Variants in WDFY3 observed in about 807,000 individuals in gnomAD.
WDFY3 encodes the protein WD repeat and FYVE domain containing 3.
Under a neutral mutation model 409.6 loss-of-function variants are expected in WDFY3, and 66 were observed. The observed-to-expected ratio is 0.16, with a 90% CI of 0.13 to 0.20. WDFY3 has a LOEUF of 0.20. Ranked by LOEUF, WDFY3 falls within the 10% of genes least tolerant of loss-of-function variation. WDFY3 has a pLI of 1.00. For missense variants in WDFY3, 3,031 were observed against 4,298.1 expected, an observed-to-expected ratio of 0.71 and a Z score of 8.24; for synonymous variants, 1,521 against 1,537.1, an observed-to-expected ratio of 0.99 and a Z score of 0.25.
intron 4 of WDFY3, among the ~76,000 whole-genome samples, chr4:84,852,071 A>T (rs979444220): frequency 1.4e-4 from 21 of 152,310 alleles, no homozygotes; most frequent in African/African-American, 5.1e-4. Flanking sequence ...TAAAGGAAGG[A>T]CTTCTCTCTG....
chr4:84,798,707 C>T (rs1037817611), intron 17 of WDFY3, among the ~76,000 whole-genome samples: 4 of 152,168 alleles, frequency 2.6e-5, no homozygotes, highest in Non-Finnish European at 5.9e-5. Flanking sequence ...GCTCTTTTCT[C>T]TCATTCTTGC....
intron 30 of WDFY3, 91 bp from the exon 31 acceptor site, chr4:84,766,463 T>C (rs1743656388): frequency 7.8e-7 from 1 of 1,283,774 alleles, no homozygotes; most frequent in Non-Finnish European, 1.1e-6. Flanking sequence ...CTGAAAAATA[T>C]ATCTTTTAGA....
intron 49 of WDFY3, among the ~76,000 whole-genome samples, 183 bp downstream of exon 49, chr4:84,716,713 G>A (rs1425173845): frequency 6.6e-6 from 1 of 151,646 alleles, no homozygotes; most frequent in Non-Finnish European, 1.5e-5. Context: ...GCAGGAGAAT[G>A]GTGTGAACCC....
At chr4:84,747,998 C>T (rs559333235) in intron 36 of WDFY3, among the ~76,000 whole-genome samples, 3 of 152,018 alleles carry the variant, frequency 2.0e-5, no homozygotes, top group Non-Finnish European at 2.9e-5. Flanking sequence ...TGGACTAACA[C>T]GCACTCCAAG....
At chr4:84,932,736 C>A (rs192969319) in intron 1 of WDFY3, among the ~76,000 whole-genome samples, 12 of 152,234 alleles carry the variant, frequency 7.9e-5, no homozygotes, top group Admixed American at 6.5e-4. Flanking sequence ...CACACAGCCT[C>A]TTTTCTTGGA....
intron 5 of WDFY3, 64 bp downstream of exon 5, chr4:84,849,838 G>T: frequency 6.3e-7 from 1 of 1,583,036 alleles, no homozygotes; most frequent in East Asian, 2.3e-5. Flanking sequence ...AATTTTAATG[G>T]GACTTTTACA....
chr4:84,828,087 GAGGGAGGGAGGA>G (rs1755117860), intron 9 of WDFY3, among the ~76,000 whole-genome samples: 1 of 144,868 alleles, frequency 6.9e-6, no homozygotes, highest in South Asian at 2.4e-4. Context: ...GGGAGGGAGG[GAGGGAGGGAGGA>G]AGGGAGGAAG....
rs1371881428 is a variant in WDFY3 at position 84,775,095 on chromosome 4, T to C, written c.4562A>G (p.Glu1521Gly). 1 of 1,613,638 alleles carries C rather than the reference T, an allele frequency of 6.2e-7. No individual in the cohort carries two copies. Among genetic ancestry groups the C allele is most frequent in the Non-Finnish European group, 8.5e-7 (1 of 1,179,868 alleles). Residue 1521 changes from glutamate (E) to glycine (G), a missense_variant, in exon 28 of 68, where the codon GAA becomes GGA. By Grantham distance (98) the Glu-to-Gly change is moderately conservative. Around this residue, in one of 16 missense-constraint regions of WDFY3, gnomAD observed 342 missense variants for 463.7 expected, o/e 0.74. Transcript: ENST00000295888. ...APYELHLSLFEHFIELLTESS... is the reference protein window; with the variant it reads ...APYELHLSLFGHFIELLTESS... ...CTCTGTGAGCAGTTCAATAAAGTGT[T>C]CAAATAAGGAAAGATGAAGTTCATA...
rs532498513 is a variant in WDFY3 at position 84,739,088 on chromosome 4, C to T, written c.6496G>A (p.Ala2166Thr). 2.6e-5 allele frequency: 42 copies of T among 1,614,142 alleles called. No individual in the cohort carries two copies. In the Admixed American group the frequency reaches 6.0e-4, roughly 23 times the overall value. ...NVDGFGLEAE[A>T]RMTTWHIMIP... ...ATAATGTGCCATGTGGTCATGCGGG[C>T]TTCTGCTTCCAGTCCAAATCCATCC... is the stretch of plus-strand genomic sequence containing the variant. The change falls in exon 40 of 68, where the codon GCC becomes ACC. Residue 2166 changes from alanine (A) to threonine (T), a missense_variant. Physicochemically the swap from Ala to Thr is moderately conservative, Grantham distance 58. This residue lies in a region of WDFY3 where 314 missense variants were observed against 397.4 expected (regional missense o/e 0.79). Coordinates refer to ENST00000295888, the MANE Select transcript of WDFY3 (RefSeq NM_014991.6).
intron 1 of WDFY3, among the ~76,000 whole-genome samples, chr4:84,963,583 G>T (rs1775214171): frequency 6.6e-6 from 1 of 152,182 alleles, no homozygotes; most frequent in Non-Finnish European, 1.5e-5. Flanking sequence ...ACAGAGGTTA[G>T]TATCATTAAG....
intron 1 of WDFY3, among the ~76,000 whole-genome samples, chr4:84,965,076 AGACTT>A (rs1171346210): frequency 3.3e-5 from 5 of 152,188 alleles, no homozygotes. Context: ...TTTTTTTACT[AGACTT>A]ATGCACTAAT....
intron 2 of WDFY3, among the ~76,000 whole-genome samples, chr4:84,900,904 A>G (rs933187330): frequency 6.6e-6 from 1 of 152,246 alleles, no homozygotes; most frequent in Non-Finnish European, 1.5e-5. Context: ...GTGATAACAG[A>G]ATACATGAAA....
At chr4:84,740,091 G>T (rs1738140311) in intron 39 of WDFY3, 96 bp downstream of exon 39, 12 of 1,215,390 alleles carry the variant, frequency 9.9e-6, no homozygotes, top group Non-Finnish European at 1.4e-5. Flanking sequence ...ACAGAGTAAG[G>T]GTAAAAGAAA....
chr4:84,902,487 A>T (rs183753365), intron 2 of WDFY3, among the ~76,000 whole-genome samples: 13 of 152,356 alleles, frequency 8.5e-5, no homozygotes, highest in Admixed American at 6.5e-5. Flanking sequence ...GTGCATAATT[A>T]ACAGACCATG....
At chr4:84,814,615 C>T (rs918968115) in intron 13 of WDFY3, among the ~76,000 whole-genome samples, 4 of 152,096 alleles carry the variant, frequency 2.6e-5, no homozygotes, top group Admixed American at 1.3e-4. Context: ...AGTCACTGAG[C>T]AGAGTCTCGG....
At chr4:84,802,227 G>A (rs187176559) in intron 16 of WDFY3, among the ~76,000 whole-genome samples, 32 of 151,382 alleles carry the variant, frequency 2.1e-4, no homozygotes, top group African/African-American at 7.8e-4. Context: ...GATTACAGGC[G>A]TGAGCCACCG....
intron 48 of WDFY3, among the ~76,000 whole-genome samples, chr4:84,718,089 T>C (rs866427079): frequency 8.7e-5 from 13 of 149,888 alleles, no homozygotes; most frequent in African/African-American, 2.7e-4. Context: ...AAAAAGAGTA[T>C]TTTCTCTACA....
At chr4:84,687,769 A>G (rs564231277) in intron 62 of WDFY3, 8 of 190,566 alleles carry the variant, frequency 4.2e-5, no homozygotes, top group African/African-American at 1.4e-4. Flanking sequence ...TGCAATGGCT[A>G]TCACAGGCAC....
At chr4:84,867,952 C>G (rs1054849008) in intron 3 of WDFY3, among the ~76,000 whole-genome samples, 5 of 151,898 alleles carry the variant, frequency 3.3e-5, no homozygotes, top group African/African-American at 1.2e-4. Context: ...GGGCAGATCA[C>G]AAGGTCAAGA....
Sources: gnomAD v4.1 joint callset for allele counts (sites outside exome capture counted in the v4.1 genomes callset) on GRCh38, gnomAD v4.1.1 for gene constraint, gnomAD v4.1.1 regional missense constraint, MANE v1.5 for transcripts, NCBI Gene and HGNC (gene_info 2026-07-23, HGNC 2026-07-21) for gene names.